TMEM219: variants seen among roughly 807,000 people sequenced by gnomAD.
TMEM219 encodes the protein transmembrane protein 219, also known as insulin-like growth factor-binding protein 3 receptor.
In TMEM219, 18 loss-of-function variants were observed where a neutral mutation model predicts 17.9. The ratio of observed to expected loss-of-function variants is 1.01; its 90% CI spans 0.70 to 1.49. The LOEUF is 1.49. Ranked by LOEUF, TMEM219 falls within the 40% of genes most tolerant of loss-of-function variation. The pLI, the probability that TMEM219 is intolerant of heterozygous loss-of-function variation, is 0.00. For missense variants in TMEM219, 288 were observed against 292.4 expected, an observed-to-expected ratio of 0.99 and a Z score of 0.11; for synonymous variants, 113 against 124.0, an observed-to-expected ratio of 0.91 and a Z score of 0.59.
At chr16:29,964,657 G>A (rs929903537) in intron 3 of TMEM219, among the ~76,000 whole-genome samples, 4 of 148,062 alleles carry the variant, frequency 2.7e-5, no homozygotes, top group African/African-American at 9.9e-5. Context: ...ACTCTGTCCC[G>A]CCCCGCGCCC....
At chr16:29,967,926 C>CAA (rs1043115293) in intron 3 of TMEM219, 99 bp from the exon 4 acceptor site, 1,011 of 788,158 alleles carry the variant, frequency 1.3e-3, no homozygotes, top group Middle Eastern at 1.6e-3. Flanking sequence ...GACTCCGCCT[C>CAA]AAAAAAAAAA....
At position 29,971,505 on chromosome 16, in the gene TMEM219, ACCCGCGCCGGGAGT is replaced by A; in HGVS notation, c.687_700del (p.Arg230LeufsTer3). 6.2e-7 allele frequency: 1 copy of A among 1,609,370 alleles called. No homozygotes were observed. The highest frequency in any genetic ancestry group is 1.1e-5 in the South Asian group (1 of 90,968). Reference sequence around the variant, plus strand: ...TGCTGTGTCACTGCTATGTGCTTCCACCCGCGCCGGGAGTCCCACTGGTCTAGAACCCGGCTCTG... The same window carrying A: ...TGCTGTGTCACTGCTATGTGCTTCCACCCACTGGTCTAGAACCCGGCTCTG... On this transcript the variant is annotated frameshift_variant, in exon 5 of 6. Transcript: ENST00000279396. LOFTEE classifies it high-confidence loss of function.
chr16:29,971,398 C>G lies in TMEM219; in HGVS notation c.586-10C>G. The G allele has an allele frequency of 6.8e-6, 11 of 1,613,990 alleles. No individual in the cohort carries two copies. Among genetic ancestry groups the G allele is most frequent in the Middle Eastern group, 1.6e-4 (1 of 6,062 alleles). On this transcript the variant is annotated splice_polypyrimidine_tract_variant and intron_variant, in intron 4 of 5. Transcript: ENST00000279396. ...TGTCCTCCTCCTCCTCTCCCTGTAC[C>G]CCTCCCTAGGAGGAGCTGGCTCTGT...
Position 29,971,338 on chromosome 16 carries a change from G to A in TMEM219, c.586-70G>A. 1.9e-6 allele frequency: 3 copies of A among 1,580,706 alleles called. No homozygotes were observed. The South Asian group carries it at 3.4e-5, about 18-fold the overall frequency. ...GATGTGGAGAGCCCTCTCCCTCATG[G>A]AGGCTCCTTCTATAGCCCTTGGACT... On this transcript the variant is annotated intron_variant, in intron 4 of 5. Coordinates refer to ENST00000279396, the MANE Select transcript of TMEM219 (RefSeq NM_001083613.2).
intron 1 of TMEM219, among the ~76,000 whole-genome samples, 162 bp downstream of exon 1, chr16:29,962,294 C>A (rs2069156142): frequency 6.6e-6 from 1 of 152,142 alleles, no homozygotes; most frequent in Admixed American, 6.5e-5. Context: ...CCCTTCCAGC[C>A]GGACGGGAGG....
At chr16:29,964,625 C>T (rs1045773901) in intron 3 of TMEM219, among the ~76,000 whole-genome samples, 6 of 152,104 alleles carry the variant, frequency 3.9e-5, no homozygotes, top group Admixed American at 6.6e-5. Context: ...CACACCACTG[C>T]ACTCTAGCCT....
chr16:29,967,819 C>T (rs911502014), intron 3 of TMEM219, among the ~76,000 whole-genome samples: 3 of 151,700 alleles, frequency 2.0e-5, no homozygotes, highest in South Asian at 2.1e-4. Flanking sequence ...CCCAGCTACT[C>T]GGGAGACTGA....
chr16:29,967,975 C>G, intron 3 of TMEM219, 50 bp from the exon 4 acceptor site: 1 of 1,368,976 alleles, frequency 7.3e-7, no homozygotes, highest in Non-Finnish European at 1.0e-6. Context: ...GACAGAGGCT[C>G]CCGCGTCACC....
Position 29,971,398 on chromosome 16 carries a change from C to A in TMEM219, c.586-10C>A. The A allele has an allele frequency of 3.1e-6, 5 of 1,613,990 alleles. No homozygotes were observed. Among genetic ancestry groups the A allele is most frequent in the Non-Finnish European group, 3.4e-6 (4 of 1,179,950 alleles). On this transcript the variant is annotated splice_polypyrimidine_tract_variant and intron_variant, in intron 4 of 5. Coordinates refer to ENST00000279396, the MANE Select transcript of TMEM219 (RefSeq NM_001083613.2). ...TGTCCTCCTCCTCCTCTCCCTGTAC[C>A]CCTCCCTAGGAGGAGCTGGCTCTGT... is the stretch of plus-strand genomic sequence containing the variant.
At chr16:29,968,828 G>C (rs992530137) in intron 4 of TMEM219, among the ~76,000 whole-genome samples, 2 of 152,210 alleles carry the variant, frequency 1.3e-5, no homozygotes, top group East Asian at 3.9e-4. Context: ...TTTGAGGTAG[G>C]TGTTATTATC....
At chr16:29,968,859 C>G (rs897607715) in intron 4 of TMEM219, among the ~76,000 whole-genome samples, 2 of 152,144 alleles carry the variant, frequency 1.3e-5, no homozygotes, top group African/African-American at 4.8e-5. Flanking sequence ...GATGAGGAAA[C>G]AGGTTTAGAG....
In TMEM219 at chr16:29,962,115, T is replaced by G. The variant is rs2069152448; in HGVS notation, c.-55T>G. ...CGTGACGTCGCGGGGGGCGCCGGCC[T>G]CCGCCCGGCCCCGAGGGGTAAGAGC... On this transcript the variant is annotated 5_prime_UTR_variant, in exon 1 of 6. Transcript: ENST00000279396. The G allele has an allele frequency of 1.3e-5, 2 of 151,474 alleles. No individual in the cohort carries two copies. 9.4% of individuals were successfully genotyped at this position (151,474 alleles called of 1,614,324 possible). A position where few individuals can be genotyped will look rare whatever the true frequency, so the allele number is the denominator to read the frequency against.
At chr16:29,968,444 A>T (rs2069242870) in intron 4 of TMEM219, 190 bp downstream of exon 4, 1 of 563,628 alleles carries the variant, frequency 1.8e-6, no homozygotes, top group South Asian at 2.4e-5. Context: ...TAAAACAGAA[A>T]ACATGACCCT....
intron 4 of TMEM219, 40 bp from the exon 5 acceptor site, chr16:29,971,368 T>C (rs1242495703): frequency 1.2e-6 from 2 of 1,613,272 alleles, no homozygotes; most frequent in Non-Finnish European, 8.5e-7. Context: ...TGGACTGGAT[T>C]AACATGTCCT....
rs748226274 is a variant in TMEM219 at position 29,968,122 on chromosome 16, A to G, written c.453A>G (p.Leu151=). 11 of 1,614,062 alleles carry G rather than the reference A, an allele frequency of 6.8e-6. No individual in the cohort carries two copies. Among genetic ancestry groups the G allele is most frequent in the Non-Finnish European group, 9.3e-6 (11 of 1,180,012 alleles). The change falls in exon 4 of 6, where the codon CTA becomes CTG. Residue 151 remains leucine (L), a synonymous_variant. Coordinates refer to ENST00000279396, the MANE Select transcript of TMEM219 (RefSeq NM_001083613.2). The stretch of plus-strand genomic sequence containing the variant: ...ATTTTAGTGCTGTTCCAGGAATCCT[A>G]CCCTCCAGCCAGCCACCCATATCCT... ...CLYFSAVPGI[L]PSSQPPISCS...
At chr16:29,971,693 C>T (rs1320683083) in intron 5 of TMEM219, 115 bp downstream of exon 5, 3 of 1,023,468 alleles carry the variant, frequency 2.9e-6, no homozygotes, top group Non-Finnish European at 4.2e-6. Flanking sequence ...TTCTGAGTCC[C>T]CGAGAACCTC....
At chr16:29,967,590 G>A (rs2069227133) in intron 3 of TMEM219, among the ~76,000 whole-genome samples, 1 of 152,078 alleles carries the variant, frequency 6.6e-6, no homozygotes, top group Non-Finnish European at 1.5e-5. Flanking sequence ...CAACCTGCAC[G>A]ACAAAGTGAG....
At chr16:29,970,947 A>C (rs1307889752) in intron 4 of TMEM219, among the ~76,000 whole-genome samples, 4 of 151,052 alleles carry the variant, frequency 2.6e-5, no homozygotes, top group Non-Finnish European at 5.9e-5. Context: ...CTGCCTCAAA[A>C]AGAAAAAAAA....
Position 29,963,156 on chromosome 16 carries a change from C to G in TMEM219, c.13C>G (p.Gln5Glu). 6.2e-7 allele frequency: 1 copy of G among 1,612,410 alleles called. No individual in the cohort carries two copies. The highest frequency in any genetic ancestry group is 1.3e-5 in the African/African-American group (1 of 75,070). ...CCCTCTGCTCCCCATGGGCAACTGC[C>G]AGGCAGGGCACAACCTGCACCTGTG... is the stretch of plus-strand genomic sequence containing the variant. MGNC[Q>E]AGHNLHLCLA... The change falls in exon 2 of 6, where the codon CAG becomes GAG. Residue 5 changes from glutamine to glutamate, a missense_variant. Gln to Glu is a conservative substitution (Grantham distance 29). Coordinates refer to ENST00000279396, the MANE Select transcript of TMEM219 (RefSeq NM_001083613.2).
Sources: allele counts gnomAD v4.1 joint callset (sites outside exome capture counted in the v4.1 genomes callset), GRCh38; gene constraint gnomAD v4.1.1; transcripts MANE v1.5; gene names NCBI Gene and HGNC (gene_info 2026-07-23, HGNC 2026-07-21).